Variants in TTC3 observed in about 807,000 individuals in gnomAD.
TTC3 encodes the protein tetratricopeptide repeat domain 3, also known as E3 ubiquitin-protein ligase TTC3.
In TTC3, 180 loss-of-function variants were observed where a neutral mutation model predicts 249.6. The ratio of observed to expected loss-of-function variants is 0.72; its 90% CI spans 0.64 to 0.82. The LOEUF is 0.82. Among genes scored for constraint, TTC3 ranks in the 40% least tolerant of loss-of-function variants. The pLI is 0.00. For missense variants in TTC3, 2,061 were observed against 2,398.4 expected (o/e 0.86, Z 2.94); for synonymous variants, 717 against 805.0 (o/e 0.89, Z 1.85).
At chr21:37,193,069 G>A (rs180712595) in intron 41 of TTC3, among the ~76,000 whole-genome samples, 54 of 152,316 alleles carry the variant, frequency 3.5e-4, no homozygotes, top group African/African-American at 1.3e-3. Flanking sequence ...ATAAGTTCCA[G>A]AATGTTGTGG....
chr21:37,138,490 A>G, intron 18 of TTC3, 144 bp from the exon 19 acceptor site: 1 of 584,090 alleles, frequency 1.7e-6, no homozygotes. Context: ...TTGGCCAATC[A>G]TATTGATTAG....
Position 37,113,237 on chromosome 21 carries a change from G to A in TTC3, c.900+4791G>A, listed in dbSNP as rs538160449. ...TAAAGGGCATTCAATTAGGAAAAGA[G>A]GAAGTCAAATTGTCCCTGTTTGCAG... On this transcript the variant is annotated intron_variant, in intron 11 of 45. Transcript: ENST00000355666. 7.9e-5 allele frequency among the ~76,000 whole-genome samples: 12 copies of A among 152,312 alleles called. No homozygotes were observed. The South Asian group carries it at 2.5e-3, about 32-fold the overall frequency.
At chr21:37,187,083 G>A in exon 38 of TTC3, 1 of 1,562,074 alleles carries the variant, frequency 6.4e-7, no homozygotes, top group Non-Finnish European at 8.6e-7. Context: ...GAAAATAGAA[G>A]AGTATATAAA....
intron 2 of TTC3, 130 bp downstream of exon 2, chr21:37,087,531 T>C (rs1438089015): frequency 4.2e-6 from 5 of 1,185,480 alleles, no homozygotes; most frequent in South Asian, 1.5e-5. Context: ...TGTTGAAAAG[T>C]TGATTTGAGA....
At chr21:37,092,336 A>C (rs1166278013) in intron 7 of TTC3, among the ~76,000 whole-genome samples, 1 of 152,204 alleles carries the variant, frequency 6.6e-6, no homozygotes, top group East Asian at 1.9e-4. Flanking sequence ...TCATAGGTTT[A>C]TTAGACACTG....
At chr21:37,130,724 T>A (rs1203063227) in intron 16 of TTC3, among the ~76,000 whole-genome samples, 2 of 152,174 alleles carry the variant, frequency 1.3e-5, no homozygotes, top group African/African-American at 4.8e-5. Context: ...TATCCCCCAT[T>A]TTTGTGCATT....
At chr21:37,083,249 A>G (rs1006171870) in intron 1 of TTC3, 1 of 985,454 alleles carries the variant, frequency 1.0e-6, no homozygotes, top group African/African-American at 1.7e-5. Context: ...ACTGGCTTCT[A>G]GGTTGTGTGT....
rs1476066613 is a variant in TTC3 at position 37,073,433 on chromosome 21, CG to C, written c.-12+74del. ...CCTTGTCCCGCTGCAGCCGAGATGC[CG>C]GGGGAGCGGGGCCTTCCACACCCCC... On this transcript the variant is annotated intron_variant, in intron 1 of 45. It removes the in-frame stop codon of an upstream open reading frame in the 5' UTR. Coordinates refer to ENST00000355666, the Ensembl canonical transcript of TTC3. The C allele has an allele frequency of 1.8e-5, 18 of 986,450 alleles. No individual in the cohort carries two copies. Among genetic ancestry groups the C allele is most frequent in the Non-Finnish European group, 2.2e-5 (18 of 830,424 alleles). 61.1% of individuals were successfully genotyped at this position (986,450 alleles called of 1,614,324 possible).
intron 1 of TTC3, among the ~76,000 whole-genome samples, chr21:37,084,514 T>G (rs2072140694): frequency 6.6e-6 from 1 of 152,176 alleles, no homozygotes; most frequent in African/African-American, 2.4e-5. Flanking sequence ...ATTAACAGAT[T>G]GATCAGGTAG....
chr21:37,172,504 CCTT>C (rs1334087046), intron 34 of TTC3, 88 bp from the exon 35 acceptor site: 2 of 1,381,202 alleles, frequency 1.4e-6, no homozygotes, highest in Non-Finnish European at 1.9e-6. Context: ...TTTTTACTCT[CCTT>C]TGTTTATTTT....
chr21:37,193,176 T>C (rs1180057885), intron 41 of TTC3, among the ~76,000 whole-genome samples: 3 of 152,192 alleles, frequency 2.0e-5, no homozygotes, highest in Non-Finnish European at 2.9e-5. Context: ...TTGCCTGGGC[T>C]GTTCCTAGCC....
At chr21:37,113,059 G>T (rs113480159) in intron 11 of TTC3, among the ~76,000 whole-genome samples, 1 of 152,086 alleles carries the variant, frequency 6.6e-6, no homozygotes, top group African/African-American at 2.4e-5. Flanking sequence ...ATAAGAGCTA[G>T]CTATGACAAA....
intron 45 of TTC3, 67 bp downstream of exon 45, chr21:37,200,391 A>C (rs2085372786): frequency 6.6e-7 from 1 of 1,513,908 alleles, no homozygotes; most frequent in African/African-American, 1.4e-5. Flanking sequence ...AAAATAAGAA[A>C]GGAATTGTTT....
chr21:37,143,038 G>A (rs904599251), intron 20 of TTC3, among the ~76,000 whole-genome samples: 2 of 152,202 alleles, frequency 1.3e-5, no homozygotes, highest in African/African-American at 4.8e-5. Context: ...AAACTGGCTA[G>A]CCATATGTAG....
chr21:37,121,933 A>C (rs1358814599), exon 12 of TTC3: 1 of 1,612,562 alleles, frequency 6.2e-7, no homozygotes, highest in East Asian at 2.2e-5. Flanking sequence ...TCAAGGATCT[A>C]ATTCAGCAGC....
At chr21:37,126,240 C>T in intron 15 of TTC3, 97 bp downstream of exon 15, 2 of 951,536 alleles carry the variant, frequency 2.1e-6, no homozygotes, top group Admixed American at 2.4e-5. Context: ...TATATCCACT[C>T]TTGTTCTCCT....
intron 20 of TTC3, among the ~76,000 whole-genome samples, chr21:37,143,531 A>C (rs2078689962): frequency 6.6e-6 from 1 of 152,012 alleles, no homozygotes; most frequent in Admixed American, 6.6e-5. Context: ...TGCAAATCAA[A>C]ACCACAATGA....
chr21:37,152,247 C>T (rs1230787973), intron 26 of TTC3, among the ~76,000 whole-genome samples: 1 of 152,046 alleles, frequency 6.6e-6, no homozygotes, highest in Non-Finnish European at 1.5e-5. Flanking sequence ...CACTGAAAAA[C>T]CTTTCAGAGA....
At chr21:37,109,813 G>T (rs1217051889) in intron 11 of TTC3, among the ~76,000 whole-genome samples, 1 of 152,246 alleles carries the variant, frequency 6.6e-6, no homozygotes, top group African/African-American at 2.4e-5. Flanking sequence ...GCACCCCCCA[G>T]TAGGGGCGGA....
Sources: gnomAD v4.1 joint callset for allele counts (sites outside exome capture counted in the v4.1 genomes callset) on GRCh38, gnomAD v4.1.1 for gene constraint, MANE v1.5 for transcripts, NCBI Gene and HGNC (gene_info 2026-07-23, HGNC 2026-07-21) for gene names.